MED1: variants seen among roughly 807,000 people sequenced by gnomAD.
MED1 encodes the protein mediator of RNA polymerase II transcription subunit 1.
Under a neutral mutation model 121.3 loss-of-function variants are expected in MED1, and 17 were observed. That is an observed-to-expected ratio of 0.14 (90% CI 0.10 to 0.21). The LOEUF (loss-of-function observed/expected upper bound fraction) is 0.21, where lower values mean the gene tolerates loss of function less well. Among genes scored for constraint, MED1 ranks in the 10% least tolerant of loss-of-function variants. The probability of loss-of-function intolerance (pLI) is 1.00; values close to 1 mark genes in which losing one functional copy is unlikely to be tolerated. For missense variants in MED1, 1,558 were observed against 1,919.4 expected, an observed-to-expected ratio of 0.81 and a Z score of 3.52; for synonymous variants, 661 against 694.4, an observed-to-expected ratio of 0.95 and a Z score of 0.76.
At position 39,423,841 on chromosome 17, in the gene MED1, G is replaced by A. The variant is rs376221449; in HGVS notation, c.852-20C>T. ...GGGGTCCTTCAAAAAAAAGAGGGTG[G>A]AAGGGTTGGATTCTGACTTGATATA... On this transcript the variant is annotated intron_variant, in intron 11 of 16. Transcript: ENST00000300651. 3 of 1,590,910 alleles carry A rather than the reference G, an allele frequency of 1.9e-6. No individual in the cohort carries two copies. The highest frequency in any genetic ancestry group is 2.6e-6 in the Non-Finnish European group (3 of 1,172,646).
At position 39,407,605 on chromosome 17, in the gene MED1, G is replaced by A; in HGVS notation, c.4616C>T (p.Ser1539Phe). The A allele has an allele frequency of 1.2e-6, 2 of 1,614,150 alleles. No homozygotes were observed. The highest frequency in any genetic ancestry group is 3.3e-5 in the Admixed American group (2 of 60,002). Residue 1539 changes from serine to phenylalanine, a missense_variant, in exon 17 of 17, where the codon TCT becomes TTT. By Grantham distance (155) the Ser-to-Phe change is radical. This residue lies in a region of MED1 where 264 missense variants were observed against 326.1 expected (regional missense o/e 0.81). Transcript: ENST00000300651. Reference sequence around the variant, plus strand: ...TGTCATAGACAAGGACTGGTCTGAAGAGATGGGTGATTTGGACCAACTCTC... The same window carrying A: ...TGTCATAGACAAGGACTGGTCTGAAAAGATGGGTGATTTGGACCAACTCTC... ...KPESWSKSPI[S>F]SDQSLSMTSN...
rs1193902603 is a variant in MED1, at chr17:39,407,040, T to C, written c.*435A>G. On this transcript the variant is annotated 3_prime_UTR_variant, in exon 17 of 17. Transcript: ENST00000300651. Reference sequence around the variant, plus strand: ...CAAAGTTGAACAACCTTCATGCAAATGCATCAAGGAATGTATTGCTTTTTC... The same window carrying C: ...CAAAGTTGAACAACCTTCATGCAAACGCATCAAGGAATGTATTGCTTTTTC... 5 of 987,792 alleles carry C rather than the reference T, an allele frequency of 5.1e-6. No individual in the cohort carries two copies. The Admixed American group carries it at 1.8e-4, about 36-fold the overall frequency. 61.2% of individuals were successfully genotyped at this position (987,792 alleles called of 1,614,324 possible). A position where few individuals can be genotyped will look rare whatever the true frequency, so the allele number is the denominator to read the frequency against.
chr17:39,426,590 A>T (rs2048517224), intron 10 of MED1, among the ~76,000 whole-genome samples: 1 of 149,116 alleles, frequency 6.7e-6, no homozygotes, highest in Non-Finnish European at 1.5e-5. Flanking sequence ...GCTGGAGTGC[A>T]ATGGCACAAT....
chr17:39,407,665 T>A lies in MED1; in HGVS notation c.4556A>T (p.Asp1519Val). 1.2e-6 allele frequency: 2 copies of A among 1,614,190 alleles called. No homozygotes were observed. The highest frequency in any genetic ancestry group is 2.2e-5 in the South Asian group (2 of 91,082). Residue 1519 changes from aspartate to valine, a missense_variant, in exon 17 of 17, where the codon GAC becomes GTC. Physicochemically the swap from Asp to Val is radical, Grantham distance 152 (BLOSUM62 -3). Transcript: ENST00000300651. ...GCTATGAGATTTTTTCTTGTCTCGGTCTTTGTCCCGGTCTCGGTCCCTATC... is the reference window on the plus strand; with the variant it reads ...GCTATGAGATTTTTTCTTGTCTCGGACTTTGTCCCGGTCTCGGTCCCTATC... ...DKDRDRDRDKDRDKKKSHSIK... is the reference protein window; with the variant it reads ...DKDRDRDRDKVRDKKKSHSIK...
intron 14 of MED1, among the ~76,000 whole-genome samples, 169 bp downstream of exon 14, chr17:39,419,546 TAC>T (rs1457909783): frequency 6.6e-6 from 1 of 151,748 alleles, no homozygotes; most frequent in African/African-American, 2.4e-5. Flanking sequence ...TAGGTGGGAC[TAC>T]AGTCGTGCAC....
At chr17:39,445,331 G>A (rs2048716306) in intron 2 of MED1, 1 of 151,808 alleles carries the variant, frequency 6.6e-6, no homozygotes, top group Non-Finnish European at 1.5e-5. Context: ...TGCTGTCTCA[G>A]CCTCCCGAGT....
intron 14 of MED1, among the ~76,000 whole-genome samples, chr17:39,416,697 A>G (rs1281522550): frequency 6.6e-6 from 1 of 152,116 alleles, no homozygotes; most frequent in African/African-American, 2.4e-5. Context: ...CATGAGAAGA[A>G]TCTCCTGGCC....
Position 39,405,505 on chromosome 17 carries a change from T to G in MED1, c.*1970A>C. On this transcript the variant is annotated 3_prime_UTR_variant, in exon 17 of 17. Coordinates refer to ENST00000300651, the MANE Select transcript of MED1 (RefSeq NM_004774.4). ...AAACCAACGGGATAGGATTCAAAACTAGGTGACAAACTCATGAGAAATCCA... is the reference window on the plus strand; with the variant it reads ...AAACCAACGGGATAGGATTCAAAACGAGGTGACAAACTCATGAGAAATCCA... 1 of 1,391,290 alleles carries G rather than the reference T, an allele frequency of 7.2e-7. No individual in the cohort carries two copies. 86.2% of individuals were successfully genotyped at this position (1,391,290 alleles called of 1,614,324 possible). A position where few individuals can be genotyped will look rare whatever the true frequency, so the allele number is the denominator to read the frequency against.
intron 1 of MED1, 39 bp downstream of exon 1, chr17:39,450,999 G>C: frequency 6.3e-7 from 1 of 1,594,210 alleles, no homozygotes; most frequent in Non-Finnish European, 8.6e-7. Context: ...GGCTCCCCCA[G>C]TTGTGTCCCG....
At chr17:39,413,329 C>T (rs1383940884) in intron 16 of MED1, among the ~76,000 whole-genome samples, 1 of 152,192 alleles carries the variant, frequency 6.6e-6, no homozygotes, top group Admixed American at 6.6e-5. Context: ...GTGGCGCAAT[C>T]TTGGCTCACC....
intron 6 of MED1, among the ~76,000 whole-genome samples, chr17:39,438,028 A>C (rs1332398138): frequency 6.6e-6 from 1 of 152,030 alleles, no homozygotes; most frequent in Non-Finnish European, 1.5e-5. Flanking sequence ...CTAGGTAACA[A>C]GAACAAAACT....
At chr17:39,438,903 C>T (rs1370931636) in intron 6 of MED1, among the ~76,000 whole-genome samples, 3 of 152,122 alleles carry the variant, frequency 2.0e-5, no homozygotes, top group African/African-American at 7.2e-5. Flanking sequence ...GAGCTGAGAT[C>T]GCGCCACTGC....
At chr17:39,418,759 T>TC (rs1248066274) in intron 14 of MED1, among the ~76,000 whole-genome samples, 1 of 151,830 alleles carries the variant, frequency 6.6e-6, no homozygotes, top group Non-Finnish European at 1.5e-5. Flanking sequence ...ATCATTCAGT[T>TC]CATCTTCGTG....
chr17:39,429,171 T>C (rs1159749970), intron 9 of MED1, among the ~76,000 whole-genome samples: 3 of 151,008 alleles, frequency 2.0e-5, no homozygotes, highest in Non-Finnish European at 4.4e-5. Context: ...GGCAACACAG[T>C]GAGACCCCCA....
chr17:39,414,596 A>T, intron 16 of MED1, among the ~76,000 whole-genome samples: 1 of 137,884 alleles, frequency 7.3e-6, no homozygotes, highest in African/African-American at 2.7e-5. Context: ...TCACCTCCCA[A>T]AGTGCTGGGA....
intron 11 of MED1, 147 bp from the exon 12 acceptor site, chr17:39,423,968 T>A: frequency 1.1e-6 from 1 of 915,798 alleles, no homozygotes; most frequent in Non-Finnish European, 1.6e-6. Flanking sequence ...CTGCAACCTC[T>A]GCCTCCCGGG....
At chr17:39,415,433 G>A in intron 14 of MED1, 94 bp from the exon 15 acceptor site, 5 of 1,100,258 alleles carry the variant, frequency 4.5e-6, no homozygotes, top group Non-Finnish European at 6.6e-6. Flanking sequence ...CAGCAGTTTG[G>A]GAGGCCAAGG....
intron 3 of MED1, among the ~76,000 whole-genome samples, chr17:39,441,151 T>C (rs998048355): frequency 6.6e-6 from 1 of 152,176 alleles, no homozygotes; most frequent in Admixed American, 6.6e-5. Flanking sequence ...GAAATTCTAA[T>C]AAATGCTTCA....
intron 14 of MED1, among the ~76,000 whole-genome samples, chr17:39,418,842 C>G (rs1428247675): frequency 6.7e-6 from 1 of 149,356 alleles, no homozygotes; most frequent in African/African-American, 2.5e-5. Flanking sequence ...CACTGGAGTA[C>G]AGTGGCATGA....
Sources: allele counts gnomAD v4.1 joint callset (sites outside exome capture counted in the v4.1 genomes callset), GRCh38; gene constraint gnomAD v4.1.1; regional missense constraint gnomAD v4.1.1; transcripts MANE v1.5; gene names NCBI Gene and HGNC (gene_info 2026-07-23, HGNC 2026-07-21).